The following NWD2 variants were observed in gnomAD, a reference collection of about 807,000 sequenced individuals.
NWD2 encodes the protein NACHT and WD repeat domain containing 2.
In NWD2, 37 loss-of-function variants were observed where a neutral mutation model predicts 132.7. That is an observed-to-expected ratio of 0.28 (90% confidence interval 0.21 to 0.37). NWD2 has a LOEUF of 0.37. NWD2 is among the 10% of genes least tolerant of loss of function. The pLI, the probability that NWD2 is intolerant of heterozygous loss-of-function variation, is 1.00. For missense variants in NWD2, 1,592 were observed against 2,122.4 expected (o/e 0.75, Z 4.91); for synonymous variants, 705 against 803.0 (o/e 0.88, Z 2.06).
At chr4:37,365,365 T>C (rs950874660) in intron 3 of NWD2, among the ~76,000 whole-genome samples, 6 of 152,184 alleles carry the variant, frequency 3.9e-5, no homozygotes, top group Admixed American at 3.9e-4. Flanking sequence ...TTCTAACCTT[T>C]ATAAGTACAG....
At chr4:37,305,815 A>G (rs879879179) in intron 1 of NWD2, among the ~76,000 whole-genome samples, 1 of 152,184 alleles carries the variant, frequency 6.6e-6, no homozygotes, top group African/African-American at 2.4e-5. Context: ...CTGTTTTGAT[A>G]TCAGAGTAAT....
rs1488391841 is a variant in NWD2, at chr4:37,245,064, G to A, written c.-4G>A. On this transcript the variant is annotated 5_prime_UTR_variant, in exon 1 of 7. Coordinates refer to ENST00000309447, the MANE Select transcript of NWD2 (RefSeq NM_001144990.2). The stretch of plus-strand genomic sequence containing the variant: ...GCGGCAGTGGCTGTTCCTCCCAGAG[G>A]GCGATGTGGCCGGCCGGCGCGGGCA... 5 of 1,544,760 alleles carry A rather than the reference G, an allele frequency of 3.2e-6. No homozygotes were observed. The East Asian group carries it at 7.3e-5, about 23-fold the overall frequency.
At chr4:37,246,303 A>G (rs770174692) in intron 1 of NWD2, among the ~76,000 whole-genome samples, 1 of 152,272 alleles carries the variant, frequency 6.6e-6, no homozygotes, top group Non-Finnish European at 1.5e-5. Flanking sequence ...GAAGACCAAC[A>G]AAAGTAACTT....
intron 3 of NWD2, among the ~76,000 whole-genome samples, chr4:37,412,837 A>G (rs371241888): frequency 2.6e-5 from 4 of 152,192 alleles, no homozygotes; most frequent in East Asian, 1.9e-4. Flanking sequence ...CACATCTACA[A>G]CCATCTGATC....
At chr4:37,429,242 G>A (rs1290110249) in intron 3 of NWD2, among the ~76,000 whole-genome samples, 3 of 151,944 alleles carry the variant, frequency 2.0e-5, no homozygotes, top group East Asian at 1.9e-4. Flanking sequence ...ACATATATGC[G>A]TGCTATTCTC....
intron 3 of NWD2, among the ~76,000 whole-genome samples, chr4:37,360,524 T>C (rs1719961535): frequency 6.6e-6 from 1 of 152,192 alleles, no homozygotes; most frequent in Non-Finnish European, 1.5e-5. Flanking sequence ...GACTAAAAGC[T>C]TTACCTATCC....
intron 1 of NWD2, among the ~76,000 whole-genome samples, chr4:37,299,733 C>T (rs1192693380): frequency 6.6e-6 from 1 of 152,138 alleles, no homozygotes; most frequent in East Asian, 1.9e-4. Context: ...AAGTAATCCC[C>T]TCTCAATGAA....
chr4:37,372,444 G>A (rs1052796250), intron 3 of NWD2, among the ~76,000 whole-genome samples: 1 of 152,178 alleles, frequency 6.6e-6, no homozygotes, highest in African/African-American at 2.4e-5. Flanking sequence ...ATGAACCCAG[G>A]TAGGCTGGGG....
At chr4:37,322,874 T>G (rs994959864) in intron 1 of NWD2, among the ~76,000 whole-genome samples, 1 of 152,270 alleles carries the variant, frequency 6.6e-6, no homozygotes, top group Admixed American at 6.5e-5. Flanking sequence ...ATAATTCAAT[T>G]TTTTTTATTT....
chr4:37,245,154 C>T lies in NWD2; in HGVS notation c.87C>T (p.Ala29=), dbSNP rs1333635319. The T allele has an allele frequency of 1.9e-6, 3 of 1,547,420 alleles. No homozygotes were observed. The highest frequency in any genetic ancestry group is 2.6e-6 in the Non-Finnish European group (3 of 1,146,582). ...CGGCTTTCTCTGGGAACCTCACGGC[C>T]CTGCCCTCTCACCTCGTGCCCGCCG... ...RRAAFSGNLT[A]LPSHLVPAGR... The change falls in exon 1 of 7, where the codon GCC becomes GCT. Residue 29 remains alanine, a synonymous_variant. Transcript: ENST00000309447.
intron 1 of NWD2, among the ~76,000 whole-genome samples, chr4:37,300,490 A>T (rs1718592263): frequency 6.6e-6 from 1 of 152,126 alleles, no homozygotes; most frequent in Admixed American, 6.6e-5. Flanking sequence ...ATTACAGATG[A>T]ATTATGCTAC....
chr4:37,440,400 C>T (rs962616615), intron 6 of NWD2, among the ~76,000 whole-genome samples: 2 of 152,186 alleles, frequency 1.3e-5, no homozygotes, highest in Admixed American at 6.5e-5. Context: ...AGTCCCAGCC[C>T]TGTAGCTCTG....
chr4:37,386,685 GT>G (rs1231191546), intron 3 of NWD2, among the ~76,000 whole-genome samples: 1 of 152,068 alleles, frequency 6.6e-6, no homozygotes, highest in Non-Finnish European at 1.5e-5. Context: ...TACTTATACA[GT>G]TTGCATATTT....
chr4:37,411,026 C>T (rs1238334562), intron 3 of NWD2, among the ~76,000 whole-genome samples: 1 of 152,120 alleles, frequency 6.6e-6, no homozygotes, highest in African/African-American at 2.4e-5. Context: ...GCACTAAATG[C>T]CCACAAGAGA....
intron 1 of NWD2, among the ~76,000 whole-genome samples, chr4:37,251,156 G>A (rs112712896): frequency 0.16 from 23,796 of 152,202 alleles, 2,219 homozygotes; most frequent in Admixed American, 0.23. Context: ...GTGGGCGCCT[G>A]TAATCCCAGC....
At chr4:37,419,043 A>G (rs1711724522) in intron 3 of NWD2, among the ~76,000 whole-genome samples, 1 of 152,186 alleles carries the variant, frequency 6.6e-6, no homozygotes, top group South Asian at 2.1e-4. Flanking sequence ...TACTTGTACC[A>G]AAACAGATAT....
chr4:37,260,844 A>T (rs1717621992), intron 1 of NWD2, among the ~76,000 whole-genome samples: 1 of 152,180 alleles, frequency 6.6e-6, no homozygotes, highest in African/African-American at 2.4e-5. Context: ...TCTGATCTTC[A>T]TCCTGAATTG....
intron 1 of NWD2, among the ~76,000 whole-genome samples, chr4:37,257,277 G>A (rs943082592): frequency 1.3e-5 from 2 of 152,164 alleles, no homozygotes; most frequent in African/African-American, 2.4e-5. Context: ...AATGACTGTT[G>A]TTTTAAGCCA....
At chr4:37,346,584 T>A (rs965119262) in intron 2 of NWD2, among the ~76,000 whole-genome samples, 2 of 152,190 alleles carry the variant, frequency 1.3e-5, no homozygotes, top group Non-Finnish European at 2.9e-5. Flanking sequence ...TTGGATTGAA[T>A]CTGTAGGTTA....
Sources: allele counts gnomAD v4.1 joint callset (sites outside exome capture counted in the v4.1 genomes callset), GRCh38; gene constraint gnomAD v4.1.1; transcripts MANE v1.5; gene names NCBI Gene and HGNC (gene_info 2026-07-23, HGNC 2026-07-21).